Variants in ARHGAP12 observed in about 807,000 individuals in gnomAD.
ARHGAP12 encodes rho GTPase-activating protein 12.
Under a neutral mutation model 108.6 loss-of-function variants are expected in ARHGAP12, and 64 were observed. That is an observed-to-expected ratio of 0.59 (90% CI 0.48 to 0.73). ARHGAP12 has a LOEUF of 0.73. Among genes scored for constraint, ARHGAP12 ranks in the 30% least tolerant of loss-of-function variants. ARHGAP12 has a pLI of 0.00. For missense variants in ARHGAP12, 940 were observed against 1,005.9 expected, an observed-to-expected ratio of 0.93 and a Z score of 0.89; for synonymous variants, 312 against 337.2, an observed-to-expected ratio of 0.93 and a Z score of 0.82.
intron 1 of ARHGAP12, among the ~76,000 whole-genome samples, chr10:31,920,449 C>CAAAAAAAAAAAAAAAA (rs71027040): frequency 2.2e-4 from 13 of 59,598 alleles, no homozygotes; most frequent in Admixed American, 7.0e-4. Flanking sequence ...GACTCCGTCT[C>CAAAAAAAAAAAAAAAA]AAAAAAAAAA....
chr10:31,906,506 T>C (rs964340867), intron 3 of ARHGAP12, among the ~76,000 whole-genome samples: 1 of 152,182 alleles, frequency 6.6e-6, no homozygotes, highest in Admixed American at 6.5e-5. Flanking sequence ...TCCCCAAAGC[T>C]GAAGTCGTTT....
intron 3 of ARHGAP12, among the ~76,000 whole-genome samples, chr10:31,892,313 G>A (rs1159670071): frequency 1.3e-5 from 2 of 152,208 alleles, no homozygotes; most frequent in Non-Finnish European, 2.9e-5. Flanking sequence ...GACACAGACT[G>A]GCAAACTGGA....
chr10:31,879,899 C>T (rs551647787), intron 3 of ARHGAP12, among the ~76,000 whole-genome samples: 6 of 152,300 alleles, frequency 3.9e-5, no homozygotes, highest in African/African-American at 1.2e-4. Flanking sequence ...CCATTCTCTG[C>T]AGGTACCTTT....
At chr10:31,895,878 G>A (rs1838666037) in intron 3 of ARHGAP12, among the ~76,000 whole-genome samples, 1 of 152,116 alleles carries the variant, frequency 6.6e-6, no homozygotes. Flanking sequence ...AGAAAATGTG[G>A]CACATATATA....
chr10:31,836,432 G>A (rs908849707), intron 9 of ARHGAP12, among the ~76,000 whole-genome samples: 2 of 152,006 alleles, frequency 1.3e-5, no homozygotes, highest in Admixed American at 6.6e-5. Flanking sequence ...CCTATTTCAA[G>A]CAGATTTAAA....
chr10:31,809,378 A>G (rs1350814412), intron 16 of ARHGAP12, 71 bp from the exon 17 acceptor site: 1 of 1,355,304 alleles, frequency 7.4e-7, no homozygotes, highest in Non-Finnish European at 1.1e-6. Flanking sequence ...ACACGTTTGC[A>G]TGTGTCAGAA....
chr10:31,918,833 C>G (rs1342718357), intron 1 of ARHGAP12, among the ~76,000 whole-genome samples: 1 of 152,192 alleles, frequency 6.6e-6, no homozygotes, highest in African/African-American at 2.4e-5. Flanking sequence ...GGTAGTTCCT[C>G]AAGGAAACTG....
In ARHGAP12 at chr10:31,838,884, C is replaced by A. The variant is rs112238099; in HGVS notation, c.1386+421G>T. Reference sequence around the variant, plus strand: ...GAGCGTGCTGGTGCATGCCTGTGGTCCCAGCTACTAGGGAGGCTGAGACGG... The same window carrying A: ...GAGCGTGCTGGTGCATGCCTGTGGTACCAGCTACTAGGGAGGCTGAGACGG... On this transcript the variant is annotated intron_variant, in intron 9 of 19. Transcript: ENST00000344936. Among the ~76,000 whole-genome samples, 779 of 151,224 alleles carry A rather than the reference C, an allele frequency of 5.2e-3. 3 individuals are homozygous for A. The highest frequency in any genetic ancestry group is 0.014 in the Middle Eastern group (4 of 292).
At chr10:31,912,939 T>C (rs1158237682) in intron 1 of ARHGAP12, among the ~76,000 whole-genome samples, 2 of 152,238 alleles carry the variant, frequency 1.3e-5, no homozygotes, top group Non-Finnish European at 2.9e-5. Context: ...GTTAGACATA[T>C]AGTTTACAAA....
intron 3 of ARHGAP12, among the ~76,000 whole-genome samples, chr10:31,887,923 C>G (rs1838250640): frequency 6.6e-6 from 1 of 152,132 alleles, no homozygotes; most frequent in Non-Finnish European, 1.5e-5. Context: ...TCCCAAAGTG[C>G]TAGGATTACA....
intron 1 of ARHGAP12, chr10:31,913,668 A>G (rs1193068327): frequency 6.5e-6 from 1 of 153,876 alleles, no homozygotes; most frequent in Admixed American, 6.5e-5. Context: ...CAAGGCTGAA[A>G]AAAAAAGCAA....
At chr10:31,852,729 C>CTTTT (rs398013156) in intron 5 of ARHGAP12, 132 bp from the exon 6 acceptor site, 21 of 230,328 alleles carry the variant, frequency 9.1e-5, no homozygotes, top group African/African-American at 4.6e-4. Flanking sequence ...ACAAAAAATT[C>CTTTT]TTTTTTTTTT....
At chr10:31,855,664 G>A (rs559051424) in intron 4 of ARHGAP12, among the ~76,000 whole-genome samples, 98 of 152,274 alleles carry the variant, frequency 6.4e-4, no homozygotes, top group African/African-American at 2.2e-3. Context: ...GCTCATAGAC[G>A]AGAAGAGTGC....
At chr10:31,854,306 G>A (rs1836807463) in intron 4 of ARHGAP12, 100 bp from the exon 5 acceptor site, 1 of 1,030,470 alleles carries the variant, frequency 9.7e-7, no homozygotes, top group Admixed American at 3.1e-5. Context: ...TAAGTATGAA[G>A]ATATCTTAAA....
intron 8 of ARHGAP12, 91 bp downstream of exon 8, chr10:31,839,546 C>T: frequency 1.6e-6 from 2 of 1,243,718 alleles, no homozygotes; most frequent in South Asian, 1.5e-5. Flanking sequence ...AATAGAAGCT[C>T]ATTTAAACAT....
chr10:31,918,508 G>A (rs1205052543), intron 1 of ARHGAP12, among the ~76,000 whole-genome samples: 1 of 152,074 alleles, frequency 6.6e-6, no homozygotes, highest in Non-Finnish European at 1.5e-5. Context: ...TTCAAGACCA[G>A]CCTGAGTAAC....
intron 13 of ARHGAP12, among the ~76,000 whole-genome samples, chr10:31,815,775 A>C (rs545095366): frequency 2.8e-3 from 422 of 152,304 alleles, no homozygotes; most frequent in African/African-American, 9.6e-3. Flanking sequence ...TTCCCTGCAA[A>C]GTTCTTGCAC....
At chr10:31,896,002 C>CAAAAA (rs1309709896) in intron 3 of ARHGAP12, among the ~76,000 whole-genome samples, 1 of 152,060 alleles carries the variant, frequency 6.6e-6, no homozygotes, top group East Asian at 1.9e-4. Context: ...AAAAACCAAA[C>CAAAAA]ACCGCATGTT....
chr10:31,847,861 T>C (rs961584730), intron 6 of ARHGAP12, among the ~76,000 whole-genome samples: 1 of 152,154 alleles, frequency 6.6e-6, no homozygotes, highest in South Asian at 2.1e-4. Context: ...TGCAGAAGGA[T>C]AGGCTTTTGT....
Sources: gnomAD v4.1 joint callset for allele counts (sites outside exome capture counted in the v4.1 genomes callset) on GRCh38, gnomAD v4.1.1 for gene constraint, MANE v1.5 for transcripts, NCBI Gene and HGNC (gene_info 2026-07-23, HGNC 2026-07-21) for gene names.